Variants in MGAT4C observed in about 807,000 individuals in gnomAD.
MGAT4C encodes MGAT4 family member C.
A neutral mutation model predicts 40.1 loss-of-function variants in MGAT4C; 19 were observed. That is an observed-to-expected ratio of 0.47 (90% CI 0.33 to 0.70). The LOEUF is 0.70. Ranked by LOEUF, MGAT4C falls within the 30% of genes least tolerant of loss-of-function variation. The pLI, the probability that MGAT4C is intolerant of heterozygous loss-of-function variation, is 0.02. For synonymous variants in MGAT4C, 181 were observed against 187.1 expected, an observed-to-expected ratio of 0.97 and a Z score of 0.27; for missense variants, 491 against 563.2, an observed-to-expected ratio of 0.87 and a Z score of 1.30.
chr12:86,127,503 A>G (rs1880477462), intron 1 of MGAT4C, among the ~76,000 whole-genome samples: 2 of 152,294 alleles, frequency 1.3e-5, no homozygotes, highest in South Asian at 4.1e-4. Flanking sequence ...TGCTATATTT[A>G]TAAAAAATAA....
At chr12:86,650,831 G>A (rs1963675487) in intron 2 of MGAT4C, among the ~76,000 whole-genome samples, 1 of 151,890 alleles carries the variant, frequency 6.6e-6, no homozygotes, top group Non-Finnish European at 1.5e-5. Flanking sequence ...ACTGCTGTGT[G>A]TTGCCAAGGG....
intron 2 of MGAT4C, among the ~76,000 whole-genome samples, chr12:86,021,942 G>T (rs1889775562): frequency 6.6e-6 from 1 of 152,232 alleles, no homozygotes; most frequent in East Asian, 1.9e-4. Context: ...ACAAATTTGG[G>T]TGGATTTAAT....
chr12:86,560,203 G>A (rs541423970), intron 2 of MGAT4C, among the ~76,000 whole-genome samples: 38 of 152,084 alleles, frequency 2.5e-4, no homozygotes, highest in African/African-American at 8.4e-4. Flanking sequence ...ATTGTACCAA[G>A]CTTATAAAGG....
At chr12:86,706,049 GT>G (rs1420042775) in intron 2 of MGAT4C, among the ~76,000 whole-genome samples, 1 of 152,106 alleles carries the variant, frequency 6.6e-6, no homozygotes, top group Non-Finnish European at 1.5e-5. Flanking sequence ...AGGTCCATAA[GT>G]AGGCCTTACT....
intron 4 of MGAT4C, among the ~76,000 whole-genome samples, chr12:86,317,825 G>A (rs547535830): frequency 6.6e-6 from 1 of 151,348 alleles, no homozygotes; most frequent in East Asian, 1.9e-4. Flanking sequence ...GAGGTTCTAT[G>A]GTCTAACGTG....
At chr12:86,054,532 A>T (rs1340316315) in intron 1 of MGAT4C, among the ~76,000 whole-genome samples, 1 of 152,040 alleles carries the variant, frequency 6.6e-6, no homozygotes, top group African/African-American at 2.4e-5. Context: ...ACTATAGTTA[A>T]TAACAGCATA....
At chr12:86,795,713 T>C (rs897215040) in intron 1 of MGAT4C, among the ~76,000 whole-genome samples, 4 of 151,924 alleles carry the variant, frequency 2.6e-5, no homozygotes, top group African/African-American at 9.7e-5. Flanking sequence ...TATTGCTTGA[T>C]ATAAACCTGC....
At chr12:86,784,353 C>T (rs1951896181) in intron 1 of MGAT4C, among the ~76,000 whole-genome samples, 1 of 152,014 alleles carries the variant, frequency 6.6e-6, no homozygotes, top group Admixed American at 6.6e-5. Context: ...ACATTCATTC[C>T]TTCCTTCATT....
chr12:86,456,232 G>A (rs572457090), intron 2 of MGAT4C, among the ~76,000 whole-genome samples: 40 of 152,024 alleles, frequency 2.6e-4, no homozygotes, highest in Middle Eastern at 3.4e-3. Flanking sequence ...TTTTAACATC[G>A]TCGTCATCAT....
intron 4 of MGAT4C, among the ~76,000 whole-genome samples, chr12:86,300,190 C>G (rs922314059): frequency 6.6e-6 from 1 of 152,076 alleles, no homozygotes; most frequent in African/African-American, 2.4e-5. Context: ...CAATTTTTTT[C>G]TATTCTTTTT....
chr12:86,028,518 C>T (rs1405191043), intron 2 of MGAT4C, among the ~76,000 whole-genome samples: 1 of 151,852 alleles, frequency 6.6e-6, no homozygotes, highest in Non-Finnish European at 1.5e-5. Context: ...AAACTCTGGG[C>T]TCATTGAAGG....
intron 1 of MGAT4C, among the ~76,000 whole-genome samples, chr12:86,164,484 A>C (rs1885967544): frequency 6.6e-6 from 1 of 152,240 alleles, no homozygotes; most frequent in African/African-American, 2.4e-5. Flanking sequence ...AATAACACGT[A>C]CATAAGATTT....
intron 4 of MGAT4C, among the ~76,000 whole-genome samples, chr12:86,301,056 C>G (rs1031197676): frequency 6.6e-6 from 1 of 152,086 alleles, no homozygotes; most frequent in South Asian, 2.1e-4. Flanking sequence ...GACATTAACT[C>G]TTTTTAATTC....
intron 2 of MGAT4C, among the ~76,000 whole-genome samples, chr12:86,626,308 C>T (rs1169086716): frequency 6.6e-6 from 1 of 152,136 alleles, no homozygotes; most frequent in Non-Finnish European, 1.5e-5. Context: ...TAATTCTCTT[C>T]CTGAACTGTC....
rs1174416641 is a variant in MGAT4C, at chr12:86,408,448, ACTCT to A, written c.-120+26705_-120+26708del. Among the ~76,000 whole-genome samples, 236 of 29,336 alleles carry A rather than the reference ACTCT, an allele frequency of 8.0e-3. 3 individuals carry two copies. The highest frequency in any genetic ancestry group is 0.038 in the Middle Eastern group (1 of 26). 19.2% of individuals were successfully genotyped at this position (29,336 alleles called of 152,430 possible). On this transcript the variant is annotated intron_variant, in intron 3 of 7. Coordinates refer to the MGAT4C transcript ENST00000548651. ...GGAATAAATTGTTATTACATAGTAA[ACTCT>A]CTCTCTCTCTCTCTCTCTCTCTCTC...
chr12:86,469,807 C>A (rs1957732690), intron 2 of MGAT4C, among the ~76,000 whole-genome samples: 1 of 152,074 alleles, frequency 6.6e-6, no homozygotes, highest in Admixed American at 6.6e-5. Flanking sequence ...CTTTTGGATT[C>A]TTTGCTATGC....
At chr12:86,705,236 ATCTATC>A (rs1950433950) in intron 2 of MGAT4C, among the ~76,000 whole-genome samples, 17 of 149,840 alleles carry the variant, frequency 1.1e-4, no homozygotes, top group African/African-American at 4.1e-4. Flanking sequence ...CTATCTATCT[ATCTATC>A]TATCTATCTA....
intron 2 of MGAT4C, among the ~76,000 whole-genome samples, chr12:86,652,787 C>T (rs1169699105): frequency 6.6e-6 from 1 of 151,864 alleles, no homozygotes; most frequent in African/African-American, 2.4e-5. Context: ...AATGAAGGTG[C>T]TCTGCAAATG....
chr12:86,128,946 C>G (rs537015807), intron 1 of MGAT4C, among the ~76,000 whole-genome samples: 1 of 152,164 alleles, frequency 6.6e-6, no homozygotes, highest in African/African-American at 2.4e-5. Flanking sequence ...CCCACTTTGG[C>G]TTTTTGTTTG....
Sources: allele counts gnomAD v4.1 joint callset (sites outside exome capture counted in the v4.1 genomes callset), GRCh38; gene constraint gnomAD v4.1.1; transcripts MANE v1.5; gene names NCBI Gene and HGNC (gene_info 2026-07-23, HGNC 2026-07-21).